Variants in SESTD1 observed in about 807,000 individuals in gnomAD.
SESTD1 encodes SEC14 and spectrin domain containing 1, also known as SEC14 domain and spectrin repeat-containing protein 1.
Under a neutral mutation model 101.7 loss-of-function variants are expected in SESTD1, and 43 were observed. The ratio of observed to expected loss-of-function variants is 0.42; its 90% CI spans 0.33 to 0.55. The LOEUF (loss-of-function observed/expected upper bound fraction) is 0.55. Among genes scored for constraint, SESTD1 ranks in the 20% least tolerant of loss-of-function variants. SESTD1 has a pLI of 0.07. For missense variants in SESTD1, 647 were observed against 815.1 expected, an observed-to-expected ratio of 0.79 and a Z score of 2.51; for synonymous variants, 283 against 286.8, an observed-to-expected ratio of 0.99 and a Z score of 0.13.
chr2:179,175,239 C>T (rs1255675958), intron 4 of SESTD1, among the ~76,000 whole-genome samples: 1 of 152,110 alleles, frequency 6.6e-6, no homozygotes, highest in Non-Finnish European at 1.5e-5. Context: ...GTACCAAAAA[C>T]ATAATAAGCA....
intron 10 of SESTD1, among the ~76,000 whole-genome samples, chr2:179,124,771 G>A (rs1013144125): frequency 6.6e-6 from 1 of 151,980 alleles, no homozygotes. Flanking sequence ...TGCTCTAAGT[G>A]AAACCTGTCC....
intron 5 of SESTD1, among the ~76,000 whole-genome samples, chr2:179,158,630 A>T (rs1326191588): frequency 6.6e-6 from 1 of 152,168 alleles, no homozygotes; most frequent in Non-Finnish European, 1.5e-5. Context: ...ATTGACCAAG[A>T]TTACTGCTAT....
chr2:179,115,311 T>G, intron 15 of SESTD1, 55 bp from the exon 16 acceptor site: 2 of 1,352,434 alleles, frequency 1.5e-6, no homozygotes, highest in South Asian at 2.9e-5. Context: ...AAGAGAAGGA[T>G]GGGGAAAGTG....
At chr2:179,163,045 ATT>A (rs1042845794) in intron 5 of SESTD1, among the ~76,000 whole-genome samples, 1 of 152,064 alleles carries the variant, frequency 6.6e-6, no homozygotes, top group Non-Finnish European at 1.5e-5. Context: ...AGATTGATAT[ATT>A]TCCGTCCAGT....
rs536104477 is a variant in SESTD1, at chr2:179,193,804, A to T, written c.-25-1938T>A. Among the ~76,000 whole-genome samples the T allele has an allele frequency of 2.6e-5, 4 of 152,324 alleles. No individual in the cohort carries two copies. The South Asian group carries it at 6.2e-4, about 24-fold the overall frequency. Reference sequence around the variant, plus strand: ...GGATAAATCTGACCCTCAGACTCTCAAAAACAAAGTTTAATTTTCTTGTGT... The same window carrying T: ...GGATAAATCTGACCCTCAGACTCTCTAAAACAAAGTTTAATTTTCTTGTGT... On this transcript the variant is annotated intron_variant, in intron 1 of 17. Coordinates refer to ENST00000428443, the MANE Select transcript of SESTD1 (RefSeq NM_178123.5).
chr2:179,120,113 C>G (rs138642928), intron 13 of SESTD1, among the ~76,000 whole-genome samples: 4,132 of 152,148 alleles, frequency 0.027, 77 homozygotes, highest in Middle Eastern at 0.088. Context: ...CCTATAGTCC[C>G]AGCTACTCGG....
intron 1 of SESTD1, among the ~76,000 whole-genome samples, chr2:179,225,426 G>T (rs2046871436): frequency 6.6e-6 from 1 of 151,886 alleles, no homozygotes; most frequent in African/African-American, 2.4e-5. Flanking sequence ...TTTTTTTAAA[G>T]ATATGACATT....
intron 1 of SESTD1, among the ~76,000 whole-genome samples, chr2:179,243,948 A>G (rs896296972): frequency 2.1e-5 from 3 of 145,330 alleles, no homozygotes; most frequent in African/African-American, 5.1e-5. Context: ...GTGTGTGTAT[A>G]TATATATATA....
At chr2:179,153,549 C>T (rs2045569942) in intron 5 of SESTD1, among the ~76,000 whole-genome samples, 1 of 152,050 alleles carries the variant, frequency 6.6e-6, no homozygotes, top group African/African-American at 2.4e-5. Context: ...CTAGTTGTGT[C>T]CAATGGAAGG....
intron 1 of SESTD1, among the ~76,000 whole-genome samples, chr2:179,244,984 T>A (rs1559159810): frequency 6.6e-6 from 1 of 152,220 alleles, no homozygotes; most frequent in Non-Finnish European, 1.5e-5. Flanking sequence ...GTATATACAA[T>A]TAATAGCTAG....
chr2:179,203,267 C>A (rs1359113531), intron 1 of SESTD1, among the ~76,000 whole-genome samples: 2 of 134,942 alleles, frequency 1.5e-5, no homozygotes, highest in East Asian at 4.0e-4. Context: ...AACCTTGCAG[C>A]ATATTTTTAT....
chr2:179,148,262 A>T (rs1480363839), intron 7 of SESTD1, among the ~76,000 whole-genome samples: 1 of 152,230 alleles, frequency 6.6e-6, no homozygotes, highest in Non-Finnish European at 1.5e-5. Flanking sequence ...AGATCGGATG[A>T]CAGGGAACAC....
intron 1 of SESTD1, among the ~76,000 whole-genome samples, chr2:179,197,744 C>T (rs1482302374): frequency 1.3e-5 from 2 of 152,092 alleles, no homozygotes; most frequent in South Asian, 2.1e-4. Flanking sequence ...AAATCCTTTA[C>T]AGACAAGCAA....
intron 5 of SESTD1, among the ~76,000 whole-genome samples, chr2:179,164,760 G>A (rs1321952103): frequency 6.6e-6 from 1 of 152,086 alleles, no homozygotes; most frequent in African/African-American, 2.4e-5. Context: ...AAAGTATCAT[G>A]GGCAAGAAAA....
At chr2:179,112,982 A>G in intron 16 of SESTD1, 137 bp from the exon 17 acceptor site, 4 of 1,151,544 alleles carry the variant, frequency 3.5e-6, no homozygotes, top group Non-Finnish European at 4.7e-6. Flanking sequence ...AATTTGGTAG[A>G]TTAAAGGCAT....
chr2:179,234,017 A>G (rs751002297), intron 1 of SESTD1, among the ~76,000 whole-genome samples: 68 of 152,198 alleles, frequency 4.5e-4, no homozygotes, highest in Non-Finnish European at 7.1e-4. Context: ...GGTGTTCTGG[A>G]TAAGATTTAC....
chr2:179,235,120 G>A (rs2047047918), intron 1 of SESTD1, among the ~76,000 whole-genome samples: 1 of 152,080 alleles, frequency 6.6e-6, no homozygotes, highest in African/African-American at 2.4e-5. Flanking sequence ...AGGAAATACT[G>A]CAAAATTTAA....
chr2:179,118,314 T>A (rs1490069636), intron 13 of SESTD1, among the ~76,000 whole-genome samples: 2 of 152,212 alleles, frequency 1.3e-5, no homozygotes, highest in African/African-American at 2.4e-5. Context: ...ATTATTTTTT[T>A]AATCTCATTG....
intron 1 of SESTD1, among the ~76,000 whole-genome samples, chr2:179,225,481 T>C (rs905338285): frequency 5.9e-5 from 9 of 152,170 alleles, no homozygotes; most frequent in Admixed American, 2.0e-4. Context: ...TTAAATGACA[T>C]ATACTTTAAT....
Sources: allele counts gnomAD v4.1 joint callset (sites outside exome capture counted in the v4.1 genomes callset), GRCh38; gene constraint gnomAD v4.1.1; transcripts MANE v1.5; gene names NCBI Gene and HGNC (gene_info 2026-07-23, HGNC 2026-07-21).